The following TECPR2 variants were observed in gnomAD, a reference collection of about 807,000 sequenced individuals.
TECPR2 encodes the protein tectonin beta-propeller repeat-containing protein 2.
In TECPR2, 65 loss-of-function variants were observed where a neutral mutation model predicts 138.1. The ratio of observed to expected loss-of-function variants is 0.47; its 90% confidence interval spans 0.39 to 0.58. TECPR2 has a LOEUF of 0.58. TECPR2 is among the 20% of genes least tolerant of loss of function. The pLI is 0.00. For synonymous variants in TECPR2, 746 were observed against 749.8 expected (o/e 0.99, Z 0.08); for missense variants, 1,553 against 1,824.5 (o/e 0.85, Z 2.71).
At chr14:102,398,089 AAAGAAAAAAG>A (rs1267714586) in intron 2 of TECPR2, among the ~76,000 whole-genome samples, 74 of 143,042 alleles carry the variant, frequency 5.2e-4, no homozygotes, top group Middle Eastern at 4.0e-3. Context: ...AAAAAAAAAA[AAAGAAAAAAG>A]AAAGAAAAGA....
rs751275621 is a variant in TECPR2, at chr14:102,465,138, C to T, written c.3641-3C>T. On this transcript the variant is annotated splice_polypyrimidine_tract_variant and splice_region_variant and intron_variant, in intron 16 of 19. Coordinates refer to ENST00000359520, the MANE Select transcript of TECPR2 (RefSeq NM_014844.5). ...TAGTGTGTGTACTTTTCTTTATCTA[C>T]AGGAGCTGTAAAATTGACAAGCTTG... The T allele has an allele frequency of 6.2e-7, 1 of 1,614,112 alleles. No individual in the cohort carries two copies. The highest frequency in any genetic ancestry group is 1.7e-5 in the Admixed American group (1 of 60,006).
chr14:102,434,200 C>A, intron 8 of TECPR2, 35 bp from the exon 9 acceptor site: 1 of 1,344,210 alleles, frequency 7.4e-7, no homozygotes, highest in Non-Finnish European at 9.6e-7. Context: ...CATATAGAAC[C>A]GTGCCTTATT....
chr14:102,414,986 T>G lies in TECPR2; in HGVS notation c.638+193T>G, dbSNP rs9324048. 0.71 allele frequency among the ~76,000 whole-genome samples: 107,753 copies of G among 151,956 alleles called. 38,439 individuals are homozygous for G. The highest frequency in any genetic ancestry group is 0.78 in the Middle Eastern group (229 of 294). On this transcript the variant is annotated intron_variant, in intron 5 of 19. Coordinates refer to ENST00000359520, the MANE Select transcript of TECPR2 (RefSeq NM_014844.5). ...CTCCCAGAGGCAGACAAGAAGAGTG[T>G]GTTCTTCTTGTCGCAGAGCTGTAGG... is the stretch of plus-strand genomic sequence containing the variant.
At chr14:102,388,468 C>T (rs138364504) in intron 2 of TECPR2, among the ~76,000 whole-genome samples, 5,748 of 151,874 alleles carry the variant, frequency 0.038, 121 homozygotes, top group Middle Eastern at 0.09. Flanking sequence ...CCAAGGTGGG[C>T]GGATCACTTA....
intron 17 of TECPR2, among the ~76,000 whole-genome samples, chr14:102,469,880 GAT>G (rs1160857306): frequency 1.3e-5 from 2 of 152,034 alleles, no homozygotes; most frequent in Non-Finnish European, 2.9e-5. Context: ...TTATTAATAT[GAT>G]ATATTATACT....
At chr14:102,438,269 C>G in intron 10 of TECPR2, 64 bp downstream of exon 10, 3 of 1,538,272 alleles carry the variant, frequency 2.0e-6, no homozygotes, top group South Asian at 1.2e-5. Context: ...TCCCCGCCCC[C>G]GGGGTGCAGA....
rs1245123778 is a variant in TECPR2 at position 102,434,706 on chromosome 14, T to C, written c.1889T>C (p.Ile630Thr). The C allele has an allele frequency of 1.9e-6, 3 of 1,613,540 alleles. No homozygotes were observed. Among genetic ancestry groups the C allele is most frequent in the Middle Eastern group, 1.6e-4 (1 of 6,084 alleles). The change falls in exon 9 of 20, where the codon ATC becomes ACC. Residue 630 changes from isoleucine to threonine, a missense_variant. Transcript: ENST00000359520. ...CCTGGGGCGCATGATGGGGAAGACA[T>C]CCAACCCATTGGCCCCCAAAGCACT... is the stretch of plus-strand genomic sequence containing the variant. ...SSPGAHDGED[I>T]QPIGPQSTFC...
intron 17 of TECPR2, among the ~76,000 whole-genome samples, chr14:102,468,323 G>C (rs1300188003): frequency 6.6e-6 from 1 of 151,928 alleles, no homozygotes; most frequent in African/African-American, 2.4e-5. Context: ...GAGTAGCTAG[G>C]ATTACAGGCA....
At position 102,498,836 on chromosome 14, in the gene TECPR2, G is replaced by A. The variant is rs1186007120; in HGVS notation, c.*579G>A. The A allele has an allele frequency of 3.2e-6, 2 of 617,772 alleles. No homozygotes were observed. Among genetic ancestry groups the A allele is most frequent in the South Asian group, 3.1e-5 (2 of 65,216 alleles). 38.3% of individuals were successfully genotyped at this position (617,772 alleles called of 1,614,324 possible). On this transcript the variant is annotated 3_prime_UTR_variant, in exon 20 of 20. Transcript: ENST00000359520. ...TGAGAGGAGAGCGCTGGCCATGCCA[G>A]GAGAGAACCCACGCACATGCACACC...
Position 102,432,184 on chromosome 14 carries a change from TG to T in TECPR2, c.1417+59del, listed in dbSNP as rs1042492287. The stretch of plus-strand genomic sequence containing the variant: ...GGGGTTACAGTCTTTCCAGATTCTC[TG>T]GGAGTGCTGCTGCTCACTGAGTGAG... On this transcript the variant is annotated intron_variant, in intron 8 of 19. Coordinates refer to ENST00000359520, the MANE Select transcript of TECPR2 (RefSeq NM_014844.5). 6 of 1,423,042 alleles carry T rather than the reference TG, an allele frequency of 4.2e-6. No individual in the cohort carries two copies. In the African/African-American group the frequency reaches 8.6e-5, roughly 20 times the overall value. 88.2% of individuals were successfully genotyped at this position (1,423,042 alleles called of 1,614,324 possible).
In TECPR2 at chr14:102,498,559, C is replaced by T. The variant is rs780767512; in HGVS notation, c.*302C>T. On this transcript the variant is annotated 3_prime_UTR_variant, in exon 20 of 20. Coordinates refer to ENST00000359520, the MANE Select transcript of TECPR2 (RefSeq NM_014844.5). ...CCGTCCTGGTCTCATCCACAGATAG[C>T]TCCAGCTTTTGTTGGTGGGAGTGGT... 2 of 476,996 alleles carry T rather than the reference C, an allele frequency of 4.2e-6. No individual in the cohort carries two copies. Among genetic ancestry groups the T allele is most frequent in the Non-Finnish European group, 7.7e-6 (2 of 259,480 alleles). 29.5% of individuals were successfully genotyped at this position (476,996 alleles called of 1,614,324 possible). A position where few individuals can be genotyped will look rare whatever the true frequency, so the allele number is the denominator to read the frequency against.
chr14:102,438,160 C>T lies in TECPR2; in HGVS notation c.2533C>T (p.Gln845Ter). ...SALPGAGLRW[Q>*]KFEDAVQQVA... is the part of the protein sequence containing the mutation. ...GTTGCCGGGCGCCGGGCTGCGCTGG[C>T]AGAAGTTTGAAGATGCTGTCCAGCA... Residue 845 changes from glutamine (Q) to a stop codon, truncating the protein, a stop_gained, in exon 10 of 20, where the codon CAG becomes TAG. Transcript: ENST00000359520. LOFTEE classifies it high-confidence loss of function. The T allele has an allele frequency of 6.2e-7, 1 of 1,613,008 alleles. No individual in the cohort carries two copies.
At chr14:102,418,594 C>T (rs527581027) in intron 5 of TECPR2, among the ~76,000 whole-genome samples, 2 of 150,154 alleles carry the variant, frequency 1.3e-5, no homozygotes, top group South Asian at 4.2e-4. Context: ...GAGCCCCCTC[C>T]CGTCGGCTTT....
chr14:102,407,488 ACGTGTTAACTT>A, intron 3 of TECPR2, 22 bp downstream of exon 3: 1 of 1,587,778 alleles, frequency 6.3e-7, no homozygotes, highest in Non-Finnish European at 8.6e-7. Context: ...TGATCTTAAC[ACGTGTTAACTT>A]CTTGGCACAT....
At position 102,376,936 on chromosome 14, in the gene TECPR2, T is replaced by A; in HGVS notation, c.215T>A (p.Phe72Tyr). ...CTCAACCAGATGAGGAAGTACAACT[T>A]TGAGGTGAGCCTTGCTTTGCTTTTC... ...RHLNQMRKYNFEGKTESITVV... is the reference protein window; with the variant it reads ...RHLNQMRKYNYEGKTESITVV... The change falls in exon 2 of 20, where the codon TTT becomes TAT. Residue 72 changes from phenylalanine to tyrosine, a missense_variant. Physicochemically the swap from Phe to Tyr is conservative, Grantham distance 22. Transcript: ENST00000359520. 6.2e-7 allele frequency: 1 copy of A among 1,612,992 alleles called. No individual in the cohort carries two copies. The highest frequency in any genetic ancestry group is 8.5e-7 in the Non-Finnish European group (1 of 1,179,652).
chr14:102,422,679 T>C (rs1889217043), intron 5 of TECPR2, among the ~76,000 whole-genome samples: 4 of 152,232 alleles, frequency 2.6e-5, no homozygotes, highest in African/African-American at 9.6e-5. Context: ...GAGGAAATGA[T>C]AAAGGCAAAA....
chr14:102,408,811 C>T (rs1567328173), intron 4 of TECPR2, among the ~76,000 whole-genome samples, 192 bp downstream of exon 4: 3 of 152,138 alleles, frequency 2.0e-5, no homozygotes, highest in Non-Finnish European at 4.4e-5. Flanking sequence ...AGGAGTTGGC[C>T]TACTGGAACA....
intron 17 of TECPR2, among the ~76,000 whole-genome samples, chr14:102,480,350 G>A (rs1005621361): frequency 2.0e-5 from 3 of 150,902 alleles, no homozygotes; most frequent in Non-Finnish European, 3.0e-5. Context: ...TCAGCCTCCC[G>A]AGTAGCTGGG....
chr14:102,415,982 C>T lies in TECPR2; in HGVS notation c.638+1189C>T, dbSNP rs1047177066. ...AGCCCCTGTGGTCGTAGTCACTGCC[C>T]GTTATTCTGTGTTCTGGGCTTTGCG... On this transcript the variant is annotated intron_variant, in intron 5 of 19. Transcript: ENST00000359520. This position sits in a 1 kb window ranked among gnomAD's most constrained non-coding sequence, Gnocchi z 4.3. Among the ~76,000 whole-genome samples the T allele has an allele frequency of 9.9e-5, 15 of 152,154 alleles. No homozygotes were observed. Among genetic ancestry groups the T allele is most frequent in the African/African-American group, 2.7e-4 (11 of 41,420 alleles).
Sources: allele counts gnomAD v4.1 joint callset (sites outside exome capture counted in the v4.1 genomes callset), GRCh38; gene constraint gnomAD v4.1.1; non-coding constraint Gnocchi (gnomAD v3.1); transcripts MANE v1.5; gene names NCBI Gene and HGNC (gene_info 2026-07-23, HGNC 2026-07-21).